The following MNAT1 variants were observed in gnomAD, a reference collection of about 807,000 sequenced individuals.
MNAT1 encodes MNAT1 component of CDK activating kinase.
Under a neutral mutation model 42.0 loss-of-function variants are expected in MNAT1, and 43 were observed. That is an observed-to-expected ratio of 1.02 (90% CI 0.80 to 1.32). The LOEUF is 1.32. MNAT1 is among the 40% of genes most tolerant of loss of function. MNAT1 has a pLI of 0.00. For missense variants in MNAT1, 306 were observed against 350.4 expected (o/e 0.87, Z 1.01); for synonymous variants, 118 against 120.0 (o/e 0.98, Z 0.11).
chr14:60,790,123 A>G (rs2031771734), intron 1 of MNAT1, among the ~76,000 whole-genome samples: 1 of 152,110 alleles, frequency 6.6e-6, no homozygotes, highest in Admixed American at 6.5e-5. Context: ...AGAGATTTTT[A>G]GGCTAGAAAT....
intron 1 of MNAT1, among the ~76,000 whole-genome samples, chr14:60,767,104 G>T (rs1047138946): frequency 6.6e-6 from 1 of 152,334 alleles, no homozygotes; most frequent in South Asian, 2.1e-4. Context: ...TATAGGAACA[G>T]CTCAGGGAAA....
chr14:60,764,896 C>G (rs2030751651), intron 1 of MNAT1, among the ~76,000 whole-genome samples: 1 of 152,034 alleles, frequency 6.6e-6, no homozygotes, highest in East Asian at 1.9e-4. Context: ...TGGATGAGAT[C>G]AAAGGGGCAG....
chr14:60,792,940 T>A (rs2031873856), intron 1 of MNAT1, among the ~76,000 whole-genome samples: 1 of 152,210 alleles, frequency 6.6e-6, no homozygotes, highest in Non-Finnish European at 1.5e-5. Flanking sequence ...AGGCAAAAGA[T>A]TGCCCATATA....
intron 7 of MNAT1, among the ~76,000 whole-genome samples, chr14:60,886,671 A>T (rs1000583125): frequency 2.0e-5 from 3 of 151,574 alleles, no homozygotes; most frequent in African/African-American, 7.3e-5. Context: ...TTTTTTTCAG[A>T]TACTTCACTA....
chr14:60,904,862 G>A (rs753014), intron 7 of MNAT1, among the ~76,000 whole-genome samples: 140,454 of 151,996 alleles, frequency 0.92, 65,439 homozygotes, highest in Non-Finnish European at 0.99. Context: ...CTCCCGTATC[G>A]TGGTAGAATT....
At chr14:60,864,671 G>T (rs1346521635) in intron 6 of MNAT1, among the ~76,000 whole-genome samples, 1 of 152,000 alleles carries the variant, frequency 6.6e-6, no homozygotes, top group Admixed American at 6.6e-5. Flanking sequence ...GACAATTTAT[G>T]TGAAATTTCA....
At chr14:60,853,297 A>G (rs1006456320) in intron 6 of MNAT1, among the ~76,000 whole-genome samples, 1 of 151,782 alleles carries the variant, frequency 6.6e-6, no homozygotes, top group East Asian at 1.9e-4. Flanking sequence ...ATTTTATTCT[A>G]TTTGTAGCAA....
intron 5 of MNAT1, among the ~76,000 whole-genome samples, chr14:60,813,653 A>G (rs10135373): frequency 0.054 from 8,194 of 152,234 alleles, 734 homozygotes; most frequent in African/African-American, 0.19. Flanking sequence ...TCCACACAGT[A>G]TGTACTGGGG....
intron 1 of MNAT1, among the ~76,000 whole-genome samples, chr14:60,753,045 G>A (rs942454241): frequency 5.3e-5 from 8 of 152,216 alleles, no homozygotes; most frequent in South Asian, 2.1e-4. Context: ...GATTACAGGC[G>A]TGAGCCACCG....
intron 6 of MNAT1, among the ~76,000 whole-genome samples, chr14:60,829,759 C>T (rs1325524146): frequency 6.6e-6 from 1 of 152,128 alleles, no homozygotes; most frequent in East Asian, 1.9e-4. Context: ...ATATTCTTAG[C>T]CTAGGATGTA....
At chr14:60,762,145 C>A (rs1355547405) in intron 1 of MNAT1, among the ~76,000 whole-genome samples, 7 of 152,222 alleles carry the variant, frequency 4.6e-5, no homozygotes, top group African/African-American at 1.7e-4. Flanking sequence ...CAAATTGCTG[C>A]TTTGATTTGA....
At chr14:60,779,975 G>A (rs2031397202) in intron 1 of MNAT1, 7 of 1,556,850 alleles carry the variant, frequency 4.5e-6, no homozygotes, top group Non-Finnish European at 6.2e-6. Context: ...TGTGTCCCTG[G>A]CCATGGCGCT....
intron 7 of MNAT1, among the ~76,000 whole-genome samples, chr14:60,889,148 T>G (rs114612774): frequency 6.6e-6 from 1 of 152,080 alleles, no homozygotes; most frequent in African/African-American, 2.4e-5. Flanking sequence ...CTGAGTCAAT[T>G]GTAAGCCAAA....
rs1326927985 is a variant in MNAT1 at position 60,968,517 on chromosome 14, GATAT to G, written c.*173_*176del. 3 of 1,467,020 alleles carry G rather than the reference GATAT, an allele frequency of 2.0e-6. No homozygotes were observed. The highest frequency in any genetic ancestry group is 2.8e-5 in the African/African-American group (2 of 70,756). 90.9% of individuals were successfully genotyped at this position (1,467,020 alleles called of 1,614,324 possible). On this transcript the variant is annotated 3_prime_UTR_variant, in exon 8 of 8. Coordinates refer to ENST00000261245, the MANE Select transcript of MNAT1 (RefSeq NM_002431.4). The stretch of plus-strand genomic sequence containing the variant: ...CAGAACTAAGTTGAGTAATATAGGG[GATAT>G]ATATTTGTGAAAAATAATTTTTACT...
rs572478015 is a variant in MNAT1 at position 60,852,880 on chromosome 14, T to G, written c.688-26834T>G. On this transcript the variant is annotated intron_variant, in intron 6 of 7. Coordinates refer to ENST00000261245, the MANE Select transcript of MNAT1 (RefSeq NM_002431.4). The stretch of plus-strand genomic sequence containing the variant: ...TAGATGTGTGGTGCTACTTCTGAGG[T>G]CTCTGTTGTGTTCCATTGGTCTATA... 5.3e-5 allele frequency among the ~76,000 whole-genome samples: 8 copies of G among 152,292 alleles called. No individual in the cohort carries two copies. In the Middle Eastern group the frequency reaches 0.01, roughly 194 times the overall value.
intron 7 of MNAT1, among the ~76,000 whole-genome samples, chr14:60,943,904 T>C (rs1271820278): frequency 6.6e-6 from 1 of 152,222 alleles, no homozygotes; most frequent in African/African-American, 2.4e-5. Flanking sequence ...GATTTAGTCA[T>C]GGACTAAAAG....
At chr14:60,887,973 A>C (rs1415444202) in intron 7 of MNAT1, among the ~76,000 whole-genome samples, 1 of 150,128 alleles carries the variant, frequency 6.7e-6, no homozygotes. Flanking sequence ...ACCAACCAAA[A>C]AGAGTCCAGG....
intron 1 of MNAT1, among the ~76,000 whole-genome samples, chr14:60,753,387 T>C (rs1002391520): frequency 1.3e-5 from 2 of 152,174 alleles, no homozygotes; most frequent in African/African-American, 4.8e-5. Flanking sequence ...CAAAACCCCA[T>C]GTATATGGAG....
intron 7 of MNAT1, among the ~76,000 whole-genome samples, chr14:60,954,219 T>C (rs908053985): frequency 6.6e-6 from 1 of 152,170 alleles, no homozygotes. Context: ...TTAGGATTCT[T>C]TTCTCTATTT....
Sources: allele counts gnomAD v4.1 joint callset (sites outside exome capture counted in the v4.1 genomes callset), GRCh38; gene constraint gnomAD v4.1.1; transcripts MANE v1.5; gene names NCBI Gene and HGNC (gene_info 2026-07-23, HGNC 2026-07-21).